ARHGEF7: variants seen among roughly 807,000 people sequenced by gnomAD.
ARHGEF7 encodes the protein Rho guanine nucleotide exchange factor 7, also known as PAK-interacting exchange factor beta.
A neutral mutation model predicts 109.8 loss-of-function variants in ARHGEF7; 33 were observed. The observed-to-expected ratio is 0.30, with a 90% CI of 0.23 to 0.40. The LOEUF (loss-of-function observed/expected upper bound fraction) is 0.40. Ranked by LOEUF, ARHGEF7 falls within the 10% of genes least tolerant of loss-of-function variation. The probability of loss-of-function intolerance (pLI) is 1.00; values close to 1 mark genes in which losing one functional copy is unlikely to be tolerated. For synonymous variants in ARHGEF7, 458 were observed against 424.6 expected, an observed-to-expected ratio of 1.08 and a Z score of -0.97; for missense variants, 938 against 1,098.5, an observed-to-expected ratio of 0.85 and a Z score of 2.07.
chr13:111,231,479 T>G (rs1164226538), intron 5 of ARHGEF7, among the ~76,000 whole-genome samples: 1 of 152,128 alleles, frequency 6.6e-6, no homozygotes, highest in African/African-American at 2.4e-5. Flanking sequence ...AAGGAAGATT[T>G]AGAAACTTGA....
At chr13:111,200,031 G>A (rs1158562992) in intron 2 of ARHGEF7, among the ~76,000 whole-genome samples, 1 of 152,126 alleles carries the variant, frequency 6.6e-6, no homozygotes, top group African/African-American at 2.4e-5. Flanking sequence ...CATGTTACGG[G>A]TACTTGCTTT....
rs951971222 is a variant in ARHGEF7 at position 111,305,158 on chromosome 13, G to A, written c.*2045G>A. The A allele has an allele frequency of 2.6e-5, 4 of 152,224 alleles. No homozygotes were observed. Among genetic ancestry groups the A allele is most frequent in the African/African-American group, 4.8e-5 (2 of 41,450 alleles). The allele number at this position is 152,224 out of a possible 1,614,324, so 9.4% of individuals were successfully genotyped here. The stretch of plus-strand genomic sequence containing the variant: ...TAACAGCCCTTCCCCTGGACGGTGC[G>A]GCCATGAGGGCCTCATGTTACGGCA... On this transcript the variant is annotated 3_prime_UTR_variant, in exon 22 of 22. Coordinates refer to ENST00000646102, the MANE Select transcript of ARHGEF7 (RefSeq NM_001354046.2).
intron 2 of ARHGEF7, among the ~76,000 whole-genome samples, chr13:111,203,919 C>T (rs768830997): frequency 1.3e-5 from 2 of 152,184 alleles, no homozygotes; most frequent in African/African-American, 2.4e-5. Flanking sequence ...TGCTGGTGCA[C>T]GTCTCCATTC....
intron 1 of ARHGEF7, among the ~76,000 whole-genome samples, chr13:111,146,967 T>C (rs1231539082): frequency 6.6e-6 from 1 of 152,188 alleles, no homozygotes; most frequent in Non-Finnish European, 1.5e-5. Context: ...TGGTTAGAGT[T>C]CTTGATGGAA....
At chr13:111,220,629 C>T (rs1162812586) in intron 5 of ARHGEF7, among the ~76,000 whole-genome samples, 3 of 152,128 alleles carry the variant, frequency 2.0e-5, no homozygotes, top group Admixed American at 6.5e-5. Flanking sequence ...CCCCTGATAG[C>T]CCACAGGAAG....
At chr13:111,156,755 A>G (rs2076368943) in intron 2 of ARHGEF7, among the ~76,000 whole-genome samples, 1 of 152,256 alleles carries the variant, frequency 6.6e-6, no homozygotes, top group Admixed American at 6.5e-5. Context: ...GGATTTACAC[A>G]TTTCATTTTC....
At chr13:111,276,467 C>T (rs1001298116) in intron 12 of ARHGEF7, among the ~76,000 whole-genome samples, 1 of 152,196 alleles carries the variant, frequency 6.6e-6, no homozygotes. Flanking sequence ...AACTTCACAT[C>T]TTTTCAGAAG....
At chr13:111,264,031 G>T (rs1308419007) in intron 8 of ARHGEF7, among the ~76,000 whole-genome samples, 1 of 151,934 alleles carries the variant, frequency 6.6e-6, no homozygotes, top group African/African-American at 2.4e-5. Context: ...GGACAGAACT[G>T]TGGCTAATCC....
chr13:111,158,898 A>G (rs777543131), intron 2 of ARHGEF7: 8 of 614,592 alleles, frequency 1.3e-5, no homozygotes, highest in Non-Finnish European at 2.4e-5. Flanking sequence ...TCTTTTAGCA[A>G]TTTTGAAATA....
At position 111,121,081 on chromosome 13, in the gene ARHGEF7, G is replaced by C. The variant is rs538506765; in HGVS notation, c.165+5390G>C. On this transcript the variant is annotated intron_variant, in intron 1 of 21. Transcript: ENST00000646102. ...GTGAGGACTGGAGGGGCTGGCTCAG[G>C]TCACCGGCCACAGGGGCAGAGTGGG... Among the ~76,000 whole-genome samples, 3 of 152,268 alleles carry C rather than the reference G, an allele frequency of 2.0e-5. No individual in the cohort carries two copies. In the East Asian group the frequency reaches 5.8e-4, roughly 29 times the overall value.
chr13:111,241,323 G>C (rs1325099724), intron 6 of ARHGEF7: 1 of 1,536,066 alleles, frequency 6.5e-7, no homozygotes, highest in East Asian at 2.4e-5. Context: ...AAGACGAGGA[G>C]GGGAAGAAAG....
At chr13:111,250,787 C>T (rs924864176) in intron 8 of ARHGEF7, among the ~76,000 whole-genome samples, 10 of 152,186 alleles carry the variant, frequency 6.6e-5, no homozygotes, top group Non-Finnish European at 1.5e-4. Flanking sequence ...GTATGTAACT[C>T]AGGAGAGTGC....
At position 111,166,048 on chromosome 13, in the gene ARHGEF7, T is replaced by A. The variant is rs528837044; in HGVS notation, c.252+12057T>A. Reference sequence around the variant, plus strand: ...ATCATCTGTCACATCTGGTTCATCTTCCTTTTACTAACCCCAGAATCTTGG... The same window carrying A: ...ATCATCTGTCACATCTGGTTCATCTACCTTTTACTAACCCCAGAATCTTGG... On this transcript the variant is annotated intron_variant, in intron 2 of 21. Transcript: ENST00000646102. Among the ~76,000 whole-genome samples the A allele has an allele frequency of 2.0e-4, 31 of 152,272 alleles. 1 individual carries two copies. The highest frequency in any genetic ancestry group is 6.7e-4 in the African/African-American group (28 of 41,560).
chr13:111,189,659 C>G (rs923986856), intron 2 of ARHGEF7, among the ~76,000 whole-genome samples: 10 of 152,168 alleles, frequency 6.6e-5, no homozygotes, highest in Non-Finnish European at 1.3e-4. Flanking sequence ...CTCGGGTGGC[C>G]AGCTTTTATT....
Position 111,133,397 on chromosome 13 carries a change from C to T in ARHGEF7, c.165+17706C>T, listed in dbSNP as rs141846343. Among the ~76,000 whole-genome samples the T allele has an allele frequency of 1.7e-3, 261 of 152,178 alleles. 1 individual carries two copies. The highest frequency in any genetic ancestry group is 4.2e-3 in the African/African-American group (176 of 41,512). On this transcript the variant is annotated intron_variant, in intron 1 of 21. Transcript: ENST00000646102. ...GCATATCTATACACATGTTGATACACGCATGTATATGTATGCACATATATA... is the reference window on the plus strand; with the variant it reads ...GCATATCTATACACATGTTGATACATGCATGTATATGTATGCACATATATA...
At chr13:111,274,055 C>G (rs1467638681) in intron 10 of ARHGEF7, 103 bp downstream of exon 10, 21 of 1,334,594 alleles carry the variant, frequency 1.6e-5, no homozygotes, top group Non-Finnish European at 2.1e-5. Flanking sequence ...TTTTAGAAGC[C>G]AGAACCAACA....
rs763327500 is a variant in ARHGEF7, at chr13:111,264,056, A to G, written c.951-3492A>G. 3.1e-4 allele frequency among the ~76,000 whole-genome samples: 47 copies of G among 152,234 alleles called. 1 individual carries two copies. The highest frequency in any genetic ancestry group is 9.8e-4 in the Admixed American group (15 of 15,286). ...GTGGCTAATCCCGGTAGGTTGTGGA[A>G]ACCCCGCTTAGCTGTTCACAGTTGG... is the stretch of plus-strand genomic sequence containing the variant. On this transcript the variant is annotated intron_variant, in intron 8 of 21. Coordinates refer to ENST00000646102, the MANE Select transcript of ARHGEF7 (RefSeq NM_001354046.2).
intron 3 of ARHGEF7, among the ~76,000 whole-genome samples, chr13:111,207,785 A>T (rs539015733): frequency 1.3e-5 from 2 of 152,354 alleles, no homozygotes; most frequent in South Asian, 4.1e-4. Flanking sequence ...GTCAGAATCC[A>T]GTAGCTCTCA....
At chr13:111,212,957 C>T (rs1320205514) in intron 4 of ARHGEF7, among the ~76,000 whole-genome samples, 1 of 151,974 alleles carries the variant, frequency 6.6e-6, no homozygotes, top group Admixed American at 6.6e-5. Context: ...AGATATTTAC[C>T]CAAGATCACA....
Sources: allele counts gnomAD v4.1 joint callset (sites outside exome capture counted in the v4.1 genomes callset), GRCh38; gene constraint gnomAD v4.1.1; transcripts MANE v1.5; gene names NCBI Gene and HGNC (gene_info 2026-07-23, HGNC 2026-07-21).